The following MAF variants were observed in gnomAD, a reference collection of about 807,000 sequenced individuals.
The protein encoded by MAF is transcription factor Maf.
Under a neutral mutation model 22.0 loss-of-function variants are expected in MAF, and 10 were observed. The ratio of observed to expected loss-of-function variants is 0.45; its 90% confidence interval spans 0.28 to 0.77. MAF has a LOEUF of 0.77. Among genes scored for constraint, MAF ranks in the 30% least tolerant of loss-of-function variants. The probability of loss-of-function intolerance (pLI) is 0.12; values close to 1 mark genes in which losing one functional copy is unlikely to be tolerated. For missense variants in MAF, 544 were observed against 548.4 expected (o/e 0.99, Z 0.08); for synonymous variants, 337 against 255.8 (o/e 1.32, Z -3.03).
chr16:79,207,805 A>G, the MAF span, among the ~76,000 whole-genome samples: 26 of 151,820 alleles, frequency 1.7e-4, no homozygotes, highest in East Asian at 4.5e-3. Flanking sequence ...TTTCTTTACC[A>G]TATATTGTTT....
chr16:79,371,848 A>G, the MAF span, among the ~76,000 whole-genome samples: 1,776 of 152,364 alleles, frequency 0.012, 13 homozygotes, highest in Non-Finnish European at 0.02. Context: ...CCGAGGCAGA[A>G]CACATCCTGA....
the MAF span, among the ~76,000 whole-genome samples, chr16:79,218,140 T>C: frequency 6.6e-6 from 1 of 151,924 alleles, no homozygotes; most frequent in South Asian, 2.1e-4. Context: ...ATTCATATAA[T>C]CACTGAACAA....
chr16:79,404,439 G>T, the MAF span, among the ~76,000 whole-genome samples: 1 of 152,120 alleles, frequency 6.6e-6, no homozygotes, highest in Non-Finnish European at 1.5e-5. Flanking sequence ...TGGAATTACT[G>T]CGTGAGCCAC....
the MAF span, among the ~76,000 whole-genome samples, chr16:79,209,630 A>G: frequency 6.6e-6 from 1 of 152,326 alleles, no homozygotes; most frequent in African/African-American, 2.4e-5. Flanking sequence ...ATGAAAATAT[A>G]TGACAGATAT....
chr16:79,419,309 G>A, the MAF span, among the ~76,000 whole-genome samples: 1 of 152,174 alleles, frequency 6.6e-6, no homozygotes, highest in Admixed American at 6.5e-5. Flanking sequence ...CTTGGAACAA[G>A]GCTTCAGCCT....
the MAF span, among the ~76,000 whole-genome samples, chr16:79,265,568 C>A: frequency 6.6e-6 from 1 of 152,030 alleles, no homozygotes; most frequent in Non-Finnish European, 1.5e-5. Context: ...ACATACGTAC[C>A]TATGATAAAG....
intron 1 of MAF, chr16:79,595,287 A>C: frequency 1.9e-6 from 2 of 1,049,594 alleles, no homozygotes; most frequent in Non-Finnish European, 2.3e-6. Context: ...TCGAGGTTAC[A>C]CACTGTCTTC....
At chr16:79,475,747 G>T in the MAF span, among the ~76,000 whole-genome samples, 3 of 152,082 alleles carry the variant, frequency 2.0e-5, no homozygotes, top group African/African-American at 7.2e-5. Context: ...GATTAAGTGG[G>T]GGTGTGGAGT....
chr16:79,322,937 T>G, the MAF span, among the ~76,000 whole-genome samples: 1 of 151,514 alleles, frequency 6.6e-6, no homozygotes, highest in African/African-American at 2.4e-5. Context: ...GATCATGAGG[T>G]CAGGAGATCA....
the MAF span, among the ~76,000 whole-genome samples, chr16:79,210,734 G>C: frequency 6.6e-6 from 1 of 152,110 alleles, no homozygotes; most frequent in Non-Finnish European, 1.5e-5. Context: ...GCAAAGCAAA[G>C]TGATTTCTTG....
chr16:79,477,204 A>T, the MAF span, among the ~76,000 whole-genome samples: 3 of 152,184 alleles, frequency 2.0e-5, no homozygotes, highest in Non-Finnish European at 4.4e-5. Context: ...CTTCTTGGGG[A>T]AAAGGTGCCA....
chr16:79,367,345 G>A, the MAF span, among the ~76,000 whole-genome samples: 1 of 152,156 alleles, frequency 6.6e-6, no homozygotes, highest in African/African-American at 2.4e-5. Flanking sequence ...AGGGGAAGGG[G>A]CCTACCTTCT....
the MAF span, among the ~76,000 whole-genome samples, chr16:79,488,634 A>G: frequency 6.6e-6 from 1 of 152,164 alleles, no homozygotes; most frequent in African/African-American, 2.4e-5. Flanking sequence ...TATTACCATT[A>G]TTAGAGAGAC....
the MAF span, among the ~76,000 whole-genome samples, chr16:79,378,942 T>C: frequency 6.6e-6 from 1 of 152,226 alleles, no homozygotes; most frequent in African/African-American, 2.4e-5. Flanking sequence ...GTGGCATTTA[T>C]AAACATCAAT....
At chr16:79,243,024 C>G in the MAF span, among the ~76,000 whole-genome samples, 1 of 151,940 alleles carries the variant, frequency 6.6e-6, no homozygotes, top group African/African-American at 2.4e-5. Flanking sequence ...CACAAAGTAC[C>G]AGAGTCTCTG....
chr16:79,547,027 G>C, the MAF span, among the ~76,000 whole-genome samples: 109 of 152,342 alleles, frequency 7.2e-4, no homozygotes, highest in Non-Finnish European at 1.4e-3. Context: ...GTAAGTGCCA[G>C]ACATGGTCAC....
chr16:79,389,255 A>G, the MAF span, among the ~76,000 whole-genome samples: 1 of 152,000 alleles, frequency 6.6e-6, no homozygotes, highest in Admixed American at 6.6e-5. Context: ...ATCGCTCTTT[A>G]TTTATTTATT....
chr16:79,514,095 A>G, the MAF span, among the ~76,000 whole-genome samples: 1 of 152,182 alleles, frequency 6.6e-6, no homozygotes, highest in African/African-American at 2.4e-5. Flanking sequence ...AATGTTTAAC[A>G]GTTGTTTTCA....
the MAF span, among the ~76,000 whole-genome samples, chr16:79,478,151 A>C: frequency 6.6e-6 from 1 of 152,224 alleles, no homozygotes; most frequent in African/African-American, 2.4e-5. Context: ...CTCAAATGTC[A>C]AACTTTGTCA....
Sources: allele counts gnomAD v4.1 joint callset (sites outside exome capture counted in the v4.1 genomes callset), GRCh38; gene constraint gnomAD v4.1.1; transcripts MANE v1.5; gene names NCBI Gene and HGNC (gene_info 2026-07-23, HGNC 2026-07-21).